Variants in VWA2 observed in about 807,000 individuals in gnomAD.
VWA2 encodes the protein von Willebrand factor A domain containing 2.
VWA2 carries 73 observed loss-of-function variants against 70.4 expected under a neutral mutation model. That is an observed-to-expected ratio of 1.04 (90% confidence interval 0.86 to 1.26). The LOEUF (loss-of-function observed/expected upper bound fraction) is 1.26, where lower values mean the gene tolerates loss of function less well. Among genes scored for constraint, VWA2 ranks in the 50% most tolerant of loss-of-function variants. The probability of loss-of-function intolerance (pLI) is 0.00; values close to 1 mark genes in which losing one functional copy is unlikely to be tolerated. For synonymous variants in VWA2, 407 were observed against 423.3 expected (o/e 0.96, Z 0.47); for missense variants, 1,011 against 998.5 (o/e 1.01, Z -0.17).
At chr10:114,252,888 T>G (rs2037227514) in intron 2 of VWA2, among the ~76,000 whole-genome samples, 1 of 151,920 alleles carries the variant, frequency 6.6e-6, no homozygotes, top group Non-Finnish European at 1.5e-5. Context: ...CATGAGCCAC[T>G]GCACCCGGCC....
chr10:114,269,140 A>G (rs1009791357), intron 5 of VWA2, among the ~76,000 whole-genome samples: 2 of 152,218 alleles, frequency 1.3e-5, no homozygotes, highest in African/African-American at 4.8e-5. Flanking sequence ...AGAGGGTGAC[A>G]GCATTGGTAT....
intron 4 of VWA2, among the ~76,000 whole-genome samples, chr10:114,259,278 G>A (rs1277916306): frequency 6.6e-6 from 1 of 152,080 alleles, no homozygotes; most frequent in Non-Finnish European, 1.5e-5. Flanking sequence ...AGAGTTACTT[G>A]TATTTCCTGT....
At position 114,284,974 on chromosome 10, in the gene VWA2, G is replaced by A; in HGVS notation, c.997+4G>A. On this transcript the variant is annotated splice_donor_region_variant and intron_variant, in intron 10 of 13. Transcript: ENST00000392982. ...TTTGGAGGGGAGGCTAACTGTGGTAGGTATGCACCGGCCCTGCAAGACTGA... is the reference window on the plus strand; with the variant it reads ...TTTGGAGGGGAGGCTAACTGTGGTAAGTATGCACCGGCCCTGCAAGACTGA... 1 of 1,586,754 alleles carries A rather than the reference G, an allele frequency of 6.3e-7. No individual in the cohort carries two copies. The highest frequency in any genetic ancestry group is 8.6e-7 in the Non-Finnish European group (1 of 1,168,138).
At position 114,289,184 on chromosome 10, in the gene VWA2, G is replaced by T; in HGVS notation, c.1817G>T (p.Gly606Val). The T allele has an allele frequency of 6.2e-7, 1 of 1,613,676 alleles. No individual in the cohort carries two copies. Among genetic ancestry groups the T allele is most frequent in the Non-Finnish European group, 8.5e-7 (1 of 1,179,848 alleles). ...RAISQAPYLG[G>V]VGSAGTALLH... ...ATTAGCCAGGCCCCCTACCTAGGTG[G>T]GGTGGGCTCAGCCGGCACCGCCCTG... Residue 606 changes from glycine to valine, a missense_variant, in exon 12 of 14, where the codon GGG becomes GTG. Coordinates refer to ENST00000392982, the MANE Select transcript of VWA2 (RefSeq NM_001272046.2).
intron 2 of VWA2, among the ~76,000 whole-genome samples, chr10:114,251,799 G>A (rs891476845): frequency 6.6e-6 from 1 of 151,048 alleles, no homozygotes; most frequent in Non-Finnish European, 1.5e-5. Flanking sequence ...ATCTCTGAAT[G>A]CAGTGAGCAG....
intron 5 of VWA2, among the ~76,000 whole-genome samples, chr10:114,269,460 A>C (rs2037657942): frequency 6.6e-6 from 1 of 152,188 alleles, no homozygotes; most frequent in Non-Finnish European, 1.5e-5. Flanking sequence ...GAGTGCCTGT[A>C]GTCCCAGCTA....
chr10:114,239,258 T>C lies in VWA2; in HGVS notation c.-322T>C, dbSNP rs2036930278. On this transcript the variant is annotated 5_prime_UTR_variant, in exon 1 of 14. Transcript: ENST00000392982. ...GTGGAGGAGTCAGCTGACGGCACAG[T>C]GTTCGCGGCTGCACCGCTCGGAGGC... 6.6e-6 allele frequency: 1 copy of C among 152,330 alleles called. No individual in the cohort carries two copies. Among genetic ancestry groups the C allele is most frequent in the Non-Finnish European group, 1.5e-5 (1 of 68,048 alleles). 9.4% of individuals were successfully genotyped at this position (152,330 alleles called of 1,614,324 possible).
Position 114,285,986 on chromosome 10 carries a change from G to C in VWA2, c.1045G>C (p.Asp349His). 4 of 1,612,690 alleles carry C rather than the reference G, an allele frequency of 2.5e-6. No individual in the cohort carries two copies. Among genetic ancestry groups the C allele is most frequent in the Non-Finnish European group, 3.4e-6 (4 of 1,179,032 alleles). The change falls in exon 11 of 14, where the codon GAC becomes CAC. Residue 349 changes from aspartate to histidine, a missense_variant. Physicochemically the swap from Asp to His is moderately conservative, Grantham distance 81. Transcript: ENST00000392982. ...ECRVDLLFLL[D>H]SSAGTTLDGF... ...CAGGGTCGACCTCCTCTTCCTGCTG[G>C]ACAGCTCTGCGGGCACCACTCTGGA...
chr10:114,281,073 T>C (rs999783223), intron 8 of VWA2: 5 of 152,254 alleles, frequency 3.3e-5, no homozygotes, highest in Admixed American at 2.6e-4. Flanking sequence ...GAGCTCTGAA[T>C]TGACTTGGCG....
chr10:114,289,441 G>A lies in VWA2; in HGVS notation c.2074G>A (p.Ala692Thr), dbSNP rs746390207. 3.1e-6 allele frequency: 5 copies of A among 1,614,056 alleles called. No homozygotes were observed. The highest frequency in any genetic ancestry group is 2.7e-5 in the African/African-American group (2 of 74,914). ...TTCCCTGATCCACGTGGCAGCTTACGCCGACCTGCGGTACCACCAGGACGT... is the reference window on the plus strand; with the variant it reads ...TTCCCTGATCCACGTGGCAGCTTACACCGACCTGCGGTACCACCAGGACGT... ...RDSLIHVAAY[A>T]DLRYHQDVLI... The change falls in exon 12 of 14, where the codon GCC becomes ACC. Residue 692 changes from alanine (A) to threonine (T), a missense_variant. Ala to Thr is a moderately conservative substitution (Grantham distance 58). Coordinates refer to ENST00000392982, the MANE Select transcript of VWA2 (RefSeq NM_001272046.2).
intron 3 of VWA2, among the ~76,000 whole-genome samples, chr10:114,254,542 TG>T (rs754082319): frequency 6.6e-6 from 1 of 152,138 alleles, no homozygotes; most frequent in African/African-American, 2.4e-5. Flanking sequence ...ACTGAACTCT[TG>T]GGTAACATGG....
intron 3 of VWA2, among the ~76,000 whole-genome samples, chr10:114,254,033 A>G (rs73363385): frequency 0.14 from 21,809 of 151,186 alleles, 1,685 homozygotes; most frequent in Middle Eastern, 0.21. Context: ...CAAGAGGTAC[A>G]CTCCATCTCA....
intron 5 of VWA2, among the ~76,000 whole-genome samples, chr10:114,268,397 A>G (rs562644533): frequency 1.3e-5 from 2 of 152,202 alleles, no homozygotes; most frequent in Non-Finnish European, 2.9e-5. Context: ...TCTGGGTTCA[A>G]GTCCTGCCTT....
intron 1 of VWA2, among the ~76,000 whole-genome samples, chr10:114,247,810 C>A (rs2037105167): frequency 6.6e-6 from 1 of 152,074 alleles, no homozygotes; most frequent in African/African-American, 2.4e-5. Flanking sequence ...AAGGGAGGAA[C>A]CACAGCCTCT....
chr10:114,244,901 A>T (rs1384525670), intron 1 of VWA2, among the ~76,000 whole-genome samples: 1 of 152,218 alleles, frequency 6.6e-6, no homozygotes, highest in Non-Finnish European at 1.5e-5. Context: ...TTGTTTATCT[A>T]GCAAGCAAGG....
chr10:114,275,440 G>A (rs2037815221), intron 6 of VWA2, among the ~76,000 whole-genome samples: 1 of 152,226 alleles, frequency 6.6e-6, no homozygotes, highest in East Asian at 1.9e-4. Context: ...CAGACACAGT[G>A]CCTTGAGCAT....
intron 4 of VWA2, among the ~76,000 whole-genome samples, chr10:114,256,123 G>A (rs545054188): frequency 1.3e-5 from 2 of 152,316 alleles, no homozygotes; most frequent in South Asian, 2.1e-4. Flanking sequence ...TTATTCTACA[G>A]TACACATGCC....
intron 5 of VWA2, among the ~76,000 whole-genome samples, chr10:114,269,428 A>G (rs762250430): frequency 2.0e-5 from 3 of 152,132 alleles, no homozygotes; most frequent in Non-Finnish European, 4.4e-5. Flanking sequence ...TAAAAATACA[A>G]AAATTAGCAG....
At chr10:114,248,862 T>G (rs2037133975) in intron 2 of VWA2, 97 bp downstream of exon 2, 7 of 1,148,716 alleles carry the variant, frequency 6.1e-6, no homozygotes, top group Non-Finnish European at 9.2e-6. Context: ...AAAGGTCTCT[T>G]GAATCCACCT....
Sources: allele counts gnomAD v4.1 joint callset (sites outside exome capture counted in the v4.1 genomes callset), GRCh38; gene constraint gnomAD v4.1.1; transcripts MANE v1.5; gene names NCBI Gene and HGNC (gene_info 2026-07-23, HGNC 2026-07-21).